Variants in MEF2C observed in about 807,000 individuals in gnomAD.
The protein encoded by MEF2C is myocyte enhancer factor 2C, also known as myocyte-specific enhancer factor 2C.
A neutral mutation model predicts 50.5 loss-of-function variants in MEF2C; 6 were observed. That is an observed-to-expected ratio of 0.12 (90% CI 0.07 to 0.23). MEF2C has a LOEUF of 0.23. Among genes scored for constraint, MEF2C ranks in the 10% least tolerant of loss-of-function variants. MEF2C has a pLI of 1.00. For missense variants in MEF2C, 276 were observed against 605.0 expected (o/e 0.46, Z 5.70); for synonymous variants, 183 against 228.0 (o/e 0.80, Z 1.78).
Position 88,757,162 on chromosome 5 carries a change from C to T in MEF2C, c.402+4023G>A, listed in dbSNP as rs544028359. ...TTTCTATCCCTGAACAAAGTGATCA[C>T]GGTTACTGTAGTGAGTCATAATCAG... On this transcript the variant is annotated intron_variant, in intron 4 of 10. Transcript: ENST00000504921. Among the ~76,000 whole-genome samples, 21 of 152,274 alleles carry T rather than the reference C, an allele frequency of 1.4e-4. No individual in the cohort carries two copies. The South Asian group carries it at 2.1e-3, about 15-fold the overall frequency.
intron 2 of MEF2C, among the ~76,000 whole-genome samples, chr5:88,813,127 T>C (rs1481182196): frequency 6.6e-6 from 1 of 152,172 alleles, no homozygotes; most frequent in Non-Finnish European, 1.5e-5. Context: ...CAGCCAACTC[T>C]GCCCTCAGAC....
intron 1 of MEF2C, among the ~76,000 whole-genome samples, chr5:88,870,884 T>A (rs1176248093): frequency 6.6e-6 from 1 of 152,088 alleles, no homozygotes; most frequent in Non-Finnish European, 1.5e-5. Context: ...TTGAATTATG[T>A]GGGTATTGTA....
At chr5:88,802,749 A>T (rs3850649) in intron 3 of MEF2C, among the ~76,000 whole-genome samples, 1 of 152,200 alleles carries the variant, frequency 6.6e-6, no homozygotes, top group African/African-American at 2.4e-5. Flanking sequence ...ACACCTGGCC[A>T]ATATATGAAG....
chr5:88,831,086 T>C (rs1812821729), intron 1 of MEF2C, among the ~76,000 whole-genome samples: 1 of 152,106 alleles, frequency 6.6e-6, no homozygotes, highest in African/African-American at 2.4e-5. Flanking sequence ...AAAAATTATG[T>C]TCGTTATATT....
At chr5:88,874,965 T>G (rs1336365542) in intron 1 of MEF2C, among the ~76,000 whole-genome samples, 1 of 151,934 alleles carries the variant, frequency 6.6e-6, no homozygotes, top group African/African-American at 2.4e-5. Context: ...ATAATCTGAT[T>G]GCACCTCATA....
At position 88,751,860 on chromosome 5, in the gene MEF2C, T is replaced by A; in HGVS notation, c.586A>T (p.Thr196Ser). The A allele has an allele frequency of 6.2e-7, 1 of 1,613,896 alleles. No individual in the cohort carries two copies. Among genetic ancestry groups the A allele is most frequent in the Non-Finnish European group, 8.5e-7 (1 of 1,179,776 alleles). The change falls in exon 5 of 11, where the codon ACA (threonine) becomes TCA (serine). Residue 196 changes from threonine to serine, a missense_variant. By Grantham distance (58) the Thr-to-Ser change is moderately conservative. Around this residue, in one of 2 missense-constraint regions of MEF2C, gnomAD observed 256 missense variants for 468.1 expected, o/e 0.55. Transcript: ENST00000504921. ...VTHRPPSAGN[T>S]GGLMGGDLTS... ...TTACATCCTTATGAGGACATACCTG[T>A]GTTACCTGCACTTGGAGGTCGATGT...
chr5:88,883,222 T>C (rs546767730), upstream of MEF2C: 2 of 127,472 alleles, frequency 1.6e-5, no homozygotes, highest in Non-Finnish European at 3.3e-5. Context: ...GATGTGTGCG[T>C]GTGTGCGCGC....
At chr5:88,756,155 A>C (rs1405691311) in intron 4 of MEF2C, among the ~76,000 whole-genome samples, 1 of 152,146 alleles carries the variant, frequency 6.6e-6, no homozygotes. Flanking sequence ...ACCTATAATA[A>C]TTTTTTAAAA....
At chr5:88,736,140 C>A (rs1471924051) in intron 6 of MEF2C, 1 of 985,222 alleles carries the variant, frequency 1.0e-6, no homozygotes, top group African/African-American at 1.7e-5. Context: ...TTCAGAAATG[C>A]CTGTCTCTAC....
intron 3 of MEF2C, 196 bp downstream of exon 3, chr5:88,804,402 C>T (rs917140018): frequency 1.8e-6 from 1 of 563,588 alleles, no homozygotes; most frequent in African/African-American, 1.9e-5. Context: ...TGGTCTCTAT[C>T]ATCACATCAC....
intron 1 of MEF2C, among the ~76,000 whole-genome samples, chr5:88,853,090 G>A (rs1269135723): frequency 6.6e-6 from 1 of 152,098 alleles, no homozygotes; most frequent in East Asian, 1.9e-4. Context: ...TGGGCATGGT[G>A]GCCTGTGCTT....
intron 1 of MEF2C, among the ~76,000 whole-genome samples, chr5:88,850,978 T>C (rs532713107): frequency 1.4e-3 from 211 of 152,248 alleles, no homozygotes; most frequent in African/African-American, 4.7e-3. Flanking sequence ...ATGATTTTCT[T>C]AAGAACATTT....
chr5:88,826,068 G>A (rs1810728830), intron 1 of MEF2C, among the ~76,000 whole-genome samples: 1 of 151,932 alleles, frequency 6.6e-6, no homozygotes, highest in Non-Finnish European at 1.5e-5. Flanking sequence ...GACAGAGAGA[G>A]TTCCTGATGA....
At chr5:88,851,554 T>C (rs983496504) in intron 1 of MEF2C, among the ~76,000 whole-genome samples, 2 of 152,164 alleles carry the variant, frequency 1.3e-5, no homozygotes, top group East Asian at 3.9e-4. Context: ...GCAGACTTAC[T>C]AAACCCACTC....
At chr5:88,842,726 C>T (rs927378689) in intron 1 of MEF2C, among the ~76,000 whole-genome samples, 9 of 152,040 alleles carry the variant, frequency 5.9e-5, no homozygotes, top group Admixed American at 2.6e-4. Context: ...GAGAAAACCC[C>T]TCTTATGTGT....
At chr5:88,743,863 G>A in intron 6 of MEF2C, 2 of 965,982 alleles carry the variant, frequency 2.1e-6, no homozygotes, top group Non-Finnish European at 2.5e-6. Flanking sequence ...GAAAACAGAT[G>A]TTAGTTTCTT....
intron 3 of MEF2C, among the ~76,000 whole-genome samples, chr5:88,766,407 T>C: frequency 6.6e-6 from 1 of 152,302 alleles, no homozygotes; most frequent in South Asian, 2.1e-4. Flanking sequence ...ATTTAAAAAA[T>C]TTTTTCCTTT....
intron 2 of MEF2C, among the ~76,000 whole-genome samples, chr5:88,809,913 C>T (rs1247790015): frequency 6.6e-6 from 1 of 152,062 alleles, no homozygotes; most frequent in African/African-American, 2.4e-5. Context: ...AAACTCATTC[C>T]TTTCTCATTG....
chr5:88,814,789 C>T (rs1202739434), intron 2 of MEF2C, among the ~76,000 whole-genome samples: 3 of 152,006 alleles, frequency 2.0e-5, no homozygotes, highest in African/African-American at 7.2e-5. Flanking sequence ...TATTAACAAA[C>T]TCATAAAAGT....
Sources: allele counts gnomAD v4.1 joint callset (sites outside exome capture counted in the v4.1 genomes callset), GRCh38; gene constraint gnomAD v4.1.1; regional missense constraint gnomAD v4.1.1; transcripts MANE v1.5; gene names NCBI Gene and HGNC (gene_info 2026-07-23, HGNC 2026-07-21).